CHRNA7: variants seen among roughly 807,000 people sequenced by gnomAD.
CHRNA7 encodes cholinergic receptor nicotinic alpha 7 subunit.
In CHRNA7, 17 loss-of-function variants were observed where a neutral mutation model predicts 48.0. The observed-to-expected ratio is 0.35, with a 90% CI of 0.24 to 0.53. CHRNA7 has a LOEUF of 0.53. Among genes scored for constraint, CHRNA7 ranks in the 20% least tolerant of loss-of-function variants. CHRNA7 has a pLI of 0.92. For synonymous variants in CHRNA7, 75 were observed against 242.3 expected, an observed-to-expected ratio of 0.31 and a Z score of 6.41; for missense variants, 155 against 577.7, an observed-to-expected ratio of 0.27 and a Z score of 7.50.
At chr15:32,107,672 G>A (rs2050693227) in intron 3 of CHRNA7, among the ~76,000 whole-genome samples, 1 of 151,996 alleles carries the variant, frequency 6.6e-6, no homozygotes, top group African/African-American at 2.4e-5. Flanking sequence ...GTGGCCGCAA[G>A]GGTGCGCGGA....
intron 2 of CHRNA7, among the ~76,000 whole-genome samples, chr15:32,077,887 C>G (rs1313841476): frequency 6.6e-6 from 1 of 152,130 alleles, no homozygotes; most frequent in East Asian, 1.9e-4. Context: ...CTTATGGGAA[C>G]TAAAACAGTG....
chr15:32,151,403 G>GAAAT (rs1317903793), intron 4 of CHRNA7, among the ~76,000 whole-genome samples: 1 of 152,130 alleles, frequency 6.6e-6, no homozygotes, highest in East Asian at 1.9e-4. Context: ...GCTGACCAAG[G>GAAAT]AAATATATGT....
chr15:32,144,191 T>C (rs2051439422), intron 4 of CHRNA7, among the ~76,000 whole-genome samples: 1 of 152,354 alleles, frequency 6.6e-6, no homozygotes, highest in African/African-American at 2.4e-5. Flanking sequence ...TTGGTTTGGC[T>C]GGATATGAAA....
At chr15:32,074,219 G>A (rs2050101307) in intron 2 of CHRNA7, among the ~76,000 whole-genome samples, 1 of 150,854 alleles carries the variant, frequency 6.6e-6, no homozygotes, top group Admixed American at 6.6e-5. Flanking sequence ...TGTTTTTGTG[G>A]ATTCTTCGGG....
Position 32,030,638 on chromosome 15 carries a change from C to A in CHRNA7, c.44C>A (p.Ser15Ter), listed in dbSNP as rs1259395065. The A allele has an allele frequency of 1.9e-6, 3 of 1,572,348 alleles. No individual in the cohort carries two copies. The highest frequency in any genetic ancestry group is 2.6e-6 in the Non-Finnish European group (3 of 1,164,388). Reference sequence around the variant, plus strand: ...GGCGTCTGGCTGGCGCTGGCCGCGTCGCTCCTGCACGGTAAAGCCACTGCC... The same window carrying A: ...GGCGTCTGGCTGGCGCTGGCCGCGTAGCTCCTGCACGGTAAAGCCACTGCC... ...PGGVWLALAASLLHVSLQGEF... is the reference protein window; with the variant it reads ...PGGVWLALAA Residue 15 changes from serine (S) to a stop codon, truncating the protein, a stop_gained, in exon 1 of 10, where the codon TCG (serine) becomes TAG (stop). Transcript: ENST00000306901. LOFTEE classifies it high-confidence loss of function.
At position 32,114,182 on chromosome 15, in the gene CHRNA7, A is replaced by G. The variant is rs74649237; in HGVS notation, c.350+2283A>G. 7.1e-3 allele frequency among the ~76,000 whole-genome samples: 1,082 copies of G among 151,416 alleles called. 12 individuals are homozygous for G. The highest frequency in any genetic ancestry group is 0.025 in the African/African-American group (1,028 of 41,226). On this transcript the variant is annotated intron_variant, in intron 4 of 9. Transcript: ENST00000306901. ...GAGAGCACCCCACCATATTATATGTATAACATGTTGGTGGAATCTTATTAA... is the reference window on the plus strand; with the variant it reads ...GAGAGCACCCCACCATATTATATGTGTAACATGTTGGTGGAATCTTATTAA...
intron 4 of CHRNA7, among the ~76,000 whole-genome samples, chr15:32,133,848 C>A (rs946094664): frequency 6.6e-6 from 1 of 152,158 alleles, no homozygotes; most frequent in East Asian, 1.9e-4. Flanking sequence ...GGAGAGAAGT[C>A]CCCCTCCGGC....
At chr15:32,062,691 G>C (rs913892402) in intron 2 of CHRNA7, among the ~76,000 whole-genome samples, 4 of 152,120 alleles carry the variant, frequency 2.6e-5, no homozygotes, top group African/African-American at 9.7e-5. Context: ...CTATGACCCA[G>C]TTCGATTCAG....
At chr15:32,097,027 G>A (rs1311266331) in intron 2 of CHRNA7, among the ~76,000 whole-genome samples, 1 of 152,058 alleles carries the variant, frequency 6.6e-6, no homozygotes, top group African/African-American at 2.4e-5. Context: ...TAGCCACGTG[G>A]TGACAGCCAT....
At chr15:32,106,480 A>T (rs1331463029) in intron 3 of CHRNA7, among the ~76,000 whole-genome samples, 1 of 152,162 alleles carries the variant, frequency 6.6e-6, no homozygotes, top group Non-Finnish European at 1.5e-5. Context: ...AACGTGAGGG[A>T]GGAGAAAGAG....
At chr15:32,059,551 G>C (rs537847367) in intron 2 of CHRNA7, among the ~76,000 whole-genome samples, 2 of 152,080 alleles carry the variant, frequency 1.3e-5, no homozygotes, top group South Asian at 4.1e-4. Context: ...TGGGCTCACT[G>C]TGTGTACCTC....
At chr15:32,047,387 A>G (rs35979973) in intron 2 of CHRNA7, among the ~76,000 whole-genome samples, 41,740 of 149,172 alleles carry the variant, frequency 0.28, 7,599 homozygotes, top group East Asian at 0.6. Context: ...GGTCCTTCAC[A>G]TCCCTTGTAA....
intron 2 of CHRNA7, among the ~76,000 whole-genome samples, chr15:32,088,385 G>T (rs1223832240): frequency 1.3e-5 from 2 of 152,160 alleles, no homozygotes; most frequent in African/African-American, 4.8e-5. Flanking sequence ...TATGCATTAG[G>T]CTGCTATAAA....
intron 2 of CHRNA7, among the ~76,000 whole-genome samples, chr15:32,055,336 T>TTG (rs768450729): frequency 3.5e-4 from 54 of 152,166 alleles, no homozygotes; most frequent in Non-Finnish European, 6.6e-4. Context: ...TTTGTGCTGT[T>TTG]ATAACAGACT....
intron 2 of CHRNA7, among the ~76,000 whole-genome samples, chr15:32,082,359 A>AGT (rs1449021567): frequency 6.0e-5 from 1 of 16,754 alleles, no homozygotes; most frequent in Non-Finnish European, 1.9e-3. Flanking sequence ...TAGTCCCATA[A>AGT]GTCTGACTTT....
intron 4 of CHRNA7, among the ~76,000 whole-genome samples, chr15:32,133,498 C>T (rs1333997189): frequency 1.3e-5 from 2 of 152,154 alleles, no homozygotes; most frequent in Non-Finnish European, 2.9e-5. Context: ...GAGTAAAACT[C>T]GTGCTTCTGC....
intron 2 of CHRNA7, among the ~76,000 whole-genome samples, chr15:32,060,294 T>C (rs2049857777): frequency 6.6e-6 from 1 of 152,202 alleles, no homozygotes; most frequent in South Asian, 2.1e-4. Flanking sequence ...GATACTTTTC[T>C]ATATCTATAT....
In CHRNA7 at chr15:32,055,118, A is replaced by G. The variant is rs2049763063; in HGVS notation, c.195+24081A>G. On this transcript the variant is annotated intron_variant, in intron 2 of 9. Transcript: ENST00000306901. The stretch of plus-strand genomic sequence containing the variant: ...GTGACATTTTCTTGTGATTTTAATT[A>G]GCATTTCCCTGATTACAGCTAAGGT... Among the ~76,000 whole-genome samples, 2 of 152,166 alleles carry G rather than the reference A, an allele frequency of 1.3e-5. 1 individual carries two copies. Among genetic ancestry groups the G allele is most frequent in the Non-Finnish European group, 2.9e-5 (2 of 68,024 alleles).
chr15:32,078,089 A>G (rs563072685), intron 2 of CHRNA7, among the ~76,000 whole-genome samples: 1 of 152,238 alleles, frequency 6.6e-6, no homozygotes, highest in Non-Finnish European at 1.5e-5. Flanking sequence ...TTTTTGTTGA[A>G]TTTTAAGCAC....
Sources: allele counts gnomAD v4.1 joint callset (sites outside exome capture counted in the v4.1 genomes callset), GRCh38; gene constraint gnomAD v4.1.1; transcripts MANE v1.5; gene names NCBI Gene and HGNC (gene_info 2026-07-23, HGNC 2026-07-21).